GALNT13: variants seen among roughly 807,000 people sequenced by gnomAD.
GALNT13 encodes UDP-GalNAc:polypeptide N-acetylgalactosaminyltransferase 13.
GALNT13 carries 28 observed loss-of-function variants against 64.2 expected under a neutral mutation model. The observed-to-expected ratio is 0.44, with a 90% CI of 0.32 to 0.60. The LOEUF (loss-of-function observed/expected upper bound fraction) is 0.60, where lower values mean the gene tolerates loss of function less well. Among genes scored for constraint, GALNT13 ranks in the 20% least tolerant of loss-of-function variants. GALNT13 has a pLI of 0.05. For missense variants in GALNT13, 577 were observed against 669.8 expected, an observed-to-expected ratio of 0.86 and a Z score of 1.53; for synonymous variants, 214 against 224.6, an observed-to-expected ratio of 0.95 and a Z score of 0.42.
At chr2:153,903,626 C>T (rs1688375173) in intron 2 of GALNT13, among the ~76,000 whole-genome samples, 1 of 151,884 alleles carries the variant, frequency 6.6e-6, no homozygotes, top group Non-Finnish European at 1.5e-5. Flanking sequence ...AGTACTGTGT[C>T]TTCTGGATAT....
At chr2:153,785,172 C>T in the GALNT13 span, among the ~76,000 whole-genome samples, 7 of 152,030 alleles carry the variant, frequency 4.6e-5, no homozygotes, top group Admixed American at 3.9e-4. Context: ...TTGGAGAGTC[C>T]GAAGCAACTA....
At position 153,930,041 on chromosome 2, in the gene GALNT13, C is replaced by G. The variant is rs139347304; in HGVS notation, c.-104-14353C>G. 2.4e-4 allele frequency among the ~76,000 whole-genome samples: 37 copies of G among 152,198 alleles called. No individual in the cohort carries two copies. In the East Asian group the frequency reaches 7.0e-3, roughly 29 times the overall value. On this transcript the variant is annotated intron_variant, in intron 2 of 12. Coordinates refer to ENST00000392825, the MANE Select transcript of GALNT13 (RefSeq NM_052917.4). Reference sequence around the variant, plus strand: ...TTTGAATTGTTAATAGCCATTCTGACTGGTGTAAGGTGGTATCTCATTGTG... The same window carrying G: ...TTTGAATTGTTAATAGCCATTCTGAGTGGTGTAAGGTGGTATCTCATTGTG...
At chr2:154,449,453 T>G (rs942998253) in intron 12 of GALNT13, among the ~76,000 whole-genome samples, 3 of 143,262 alleles carry the variant, frequency 2.1e-5, no homozygotes, top group Non-Finnish European at 4.6e-5. Flanking sequence ...AAAAAAAAAT[T>G]TCTTTGCCTT....
chr2:153,244,545 C>A, the GALNT13 span, among the ~76,000 whole-genome samples: 1 of 152,178 alleles, frequency 6.6e-6, no homozygotes, highest in African/African-American at 2.4e-5. Flanking sequence ...CTGGGAAGTC[C>A]AAGGAGCTCC....
chr2:153,467,557 C>A, the GALNT13 span, among the ~76,000 whole-genome samples: 1 of 152,006 alleles, frequency 6.6e-6, no homozygotes, highest in South Asian at 2.1e-4. Context: ...GAACATTTTA[C>A]CTGTATGACC....
At chr2:153,288,152 G>A in the GALNT13 span, among the ~76,000 whole-genome samples, 1 of 152,160 alleles carries the variant, frequency 6.6e-6, no homozygotes, top group Non-Finnish European at 1.5e-5. Context: ...AGAGCCTCAC[G>A]CATGTGCAAA....
At chr2:153,401,473 G>T in the GALNT13 span, among the ~76,000 whole-genome samples, 1 of 148,450 alleles carries the variant, frequency 6.7e-6, no homozygotes, top group Non-Finnish European at 1.5e-5. Flanking sequence ...TCAATTCCTG[G>T]GTATCCTTGT....
At chr2:154,046,318 T>C (rs2105337115) in intron 3 of GALNT13, among the ~76,000 whole-genome samples, 1 of 152,106 alleles carries the variant, frequency 6.6e-6, no homozygotes, top group South Asian at 2.1e-4. Context: ...AGCAAGACTT[T>C]AAAAAATTAA....
chr2:153,866,401 C>A, the GALNT13 span, among the ~76,000 whole-genome samples: 3 of 152,098 alleles, frequency 2.0e-5, no homozygotes, highest in African/African-American at 7.2e-5. Context: ...TTACAACAAC[C>A]ACCTCCCTTT....
chr2:153,556,844 C>G, the GALNT13 span, among the ~76,000 whole-genome samples: 1 of 152,202 alleles, frequency 6.6e-6, no homozygotes, highest in Non-Finnish European at 1.5e-5. Context: ...GAAATCCCAT[C>G]TACTTCACTG....
chr2:153,631,349 T>C, the GALNT13 span, among the ~76,000 whole-genome samples: 1 of 152,184 alleles, frequency 6.6e-6, no homozygotes, highest in Non-Finnish European at 1.5e-5. Context: ...CTGGGTCAAA[T>C]GGTATTTCTA....
At chr2:154,257,114 C>T (rs1690422298) in intron 7 of GALNT13, among the ~76,000 whole-genome samples, 1 of 152,054 alleles carries the variant, frequency 6.6e-6, no homozygotes, top group East Asian at 1.9e-4. Flanking sequence ...TCAGAAAATA[C>T]AGGAGTTTCT....
intron 4 of GALNT13, among the ~76,000 whole-genome samples, chr2:154,172,586 A>G: frequency 6.6e-6 from 1 of 151,998 alleles, no homozygotes; most frequent in East Asian, 1.9e-4. Flanking sequence ...CATGACGTCA[A>G]GTTCCATTCA....
At chr2:153,379,265 A>G in the GALNT13 span, among the ~76,000 whole-genome samples, 2 of 152,224 alleles carry the variant, frequency 1.3e-5, no homozygotes, top group Non-Finnish European at 2.9e-5. Context: ...AGCAATGTAT[A>G]TTCCATCTGG....
intron 1 of GALNT13, among the ~76,000 whole-genome samples, chr2:153,878,275 C>T (rs971729564): frequency 3.3e-5 from 5 of 152,054 alleles, no homozygotes; most frequent in Admixed American, 6.6e-5. Flanking sequence ...CCACATTGTA[C>T]TCATTTTCCT....
At chr2:153,958,151 T>G (rs891923482) in intron 3 of GALNT13, among the ~76,000 whole-genome samples, 1 of 152,078 alleles carries the variant, frequency 6.6e-6, no homozygotes, top group Non-Finnish European at 1.5e-5. Context: ...CTGAGGCTAG[T>G]TGGATAAGGA....
the GALNT13 span, among the ~76,000 whole-genome samples, chr2:153,257,446 G>A: frequency 1.2e-4 from 19 of 152,142 alleles, no homozygotes; most frequent in East Asian, 2.9e-3. Flanking sequence ...GTAGACCTGA[G>A]CTGTTCCTAT....
Position 153,884,801 on chromosome 2 carries a change from A to ATGTG in GALNT13, c.-177+12499_-177+12500insGTGT, listed in dbSNP as rs753065559. ...TATATATATATGTGTGTGTATATAT[A>ATGTG]TATATGTGTGTGTGTGTGTATATAT... is the stretch of plus-strand genomic sequence containing the variant. On this transcript the variant is annotated intron_variant, in intron 1 of 12. Transcript: ENST00000392825. Among the ~76,000 whole-genome samples the ATGTG allele has an allele frequency of 1.0e-3, 105 of 104,940 alleles. 5 individuals are homozygous for ATGTG. The highest frequency in any genetic ancestry group is 9.9e-3 in the East Asian group (41 of 4,150). The allele number at this position is 104,940 out of a possible 152,430, so 68.8% of individuals were successfully genotyped here. A position where few individuals can be genotyped will look rare whatever the true frequency, so the allele number is the denominator to read the frequency against.
At chr2:154,379,981 G>C (rs1357012443) in intron 9 of GALNT13, among the ~76,000 whole-genome samples, 1 of 151,786 alleles carries the variant, frequency 6.6e-6, no homozygotes, top group African/African-American at 2.4e-5. Flanking sequence ...TTATCTAGCA[G>C]AAGAAATAAA....
Sources: gnomAD v4.1 joint callset for allele counts (sites outside exome capture counted in the v4.1 genomes callset) on GRCh38, gnomAD v4.1.1 for gene constraint, MANE v1.5 for transcripts, NCBI Gene and HGNC (gene_info 2026-07-23, HGNC 2026-07-21) for gene names.